Variants in SF3A3 observed in about 807,000 individuals in gnomAD.
SF3A3 encodes splicing factor 3a subunit 3.
In SF3A3, 9 loss-of-function variants were observed where a neutral mutation model predicts 85.8. That is an observed-to-expected ratio of 0.10 (90% confidence interval 0.06 to 0.18). The LOEUF is 0.18. Among genes scored for constraint, SF3A3 ranks in the 10% least tolerant of loss-of-function variants. SF3A3 has a pLI of 1.00. For synonymous variants in SF3A3, 195 were observed against 204.4 expected, an observed-to-expected ratio of 0.95 and a Z score of 0.39; for missense variants, 306 against 593.3, an observed-to-expected ratio of 0.52 and a Z score of 5.03.
rs563946298 is a variant in SF3A3, at chr1:37,979,774, T to C, written c.691-241A>G. ...CAGGAGTCTAAGGTGGGAAGATCTC[T>C]TGAGCCCACAAGGTTGAGGCTGCAG... On this transcript the variant is annotated intron_variant, in intron 8 of 16. Coordinates refer to ENST00000373019, the MANE Select transcript of SF3A3 (RefSeq NM_006802.4). Among the ~76,000 whole-genome samples the C allele has an allele frequency of 2.2e-4, 34 of 152,288 alleles. 1 individual carries two copies. Among genetic ancestry groups the C allele is most frequent in the Middle Eastern group, 6.8e-3 (2 of 294 alleles).
intron 4 of SF3A3, among the ~76,000 whole-genome samples, chr1:37,986,994 G>C (rs1646461955): frequency 6.6e-6 from 1 of 152,108 alleles, no homozygotes. Flanking sequence ...ATTCATCAGA[G>C]GAGTCTCAGA....
At chr1:37,986,790 C>A (rs1325420859) in intron 4 of SF3A3, among the ~76,000 whole-genome samples, 1 of 105,578 alleles carries the variant, frequency 9.5e-6, no homozygotes, top group Non-Finnish European at 1.7e-5. Flanking sequence ...CCAGCCTGGG[C>A]AACAGAGCGA....
chr1:37,959,754 T>C (rs561504315), intron 16 of SF3A3, among the ~76,000 whole-genome samples: 9 of 151,966 alleles, frequency 5.9e-5, no homozygotes, highest in Non-Finnish European at 2.9e-5. Flanking sequence ...GGTGAGGAGT[T>C]TGAGACCAGT....
At chr1:37,989,426 G>T in intron 2 of SF3A3, 122 bp downstream of exon 2, 1 of 1,006,968 alleles carries the variant, frequency 9.9e-7, no homozygotes, top group Non-Finnish European at 1.5e-6. Context: ...CAGGCAGAGA[G>T]CCCGCGACTG....
At chr1:37,984,608 A>C in intron 5 of SF3A3, 99 bp downstream of exon 5, 1 of 864,704 alleles carries the variant, frequency 1.2e-6, no homozygotes, top group Non-Finnish European at 1.9e-6. Flanking sequence ...CCAGCAAGAA[A>C]TCCTGGCTAT....
intron 12 of SF3A3, among the ~76,000 whole-genome samples, chr1:37,975,894 C>T (rs1183016060): frequency 7.2e-5 from 11 of 152,132 alleles, no homozygotes; most frequent in South Asian, 4.2e-4. Flanking sequence ...CGGTGGCTCA[C>T]GCCTGTAATC....
At chr1:37,987,461 G>A (rs1646464987) in intron 4 of SF3A3, 112 bp downstream of exon 4, 1 of 761,200 alleles carries the variant, frequency 1.3e-6, no homozygotes, top group Non-Finnish European at 2.2e-6. Flanking sequence ...CAGCTAAATG[G>A]CAAGTTCTTT....
Position 37,983,586 on chromosome 1 carries a change from C to CAAAAAAAAAAAAAA in SF3A3, c.468+569_468+582dup, listed in dbSNP as rs371317065. Among the ~76,000 whole-genome samples the CAAAAAAAAAAAAAA allele has an allele frequency of 6.2e-3, 240 of 38,452 alleles. 66 individuals carry two copies. The highest frequency in any genetic ancestry group is 0.033 in the African/African-American group (193 of 5,820). 25.2% of individuals were successfully genotyped at this position (38,452 alleles called of 152,430 possible). ...TGGGTGACAAAGTGAGACCCTGTCT[C>CAAAAAAAAAAAAAA]AAAAAAAAAAAAAAAAAAAAAAGAT... On this transcript the variant is annotated intron_variant, in intron 6 of 16. Coordinates refer to ENST00000373019, the MANE Select transcript of SF3A3 (RefSeq NM_006802.4).
rs1170594574 is a variant in SF3A3 at position 37,976,910 on chromosome 1, T to G, written c.979A>C (p.Ile327Leu). The G allele has an allele frequency of 2.5e-6, 4 of 1,608,578 alleles. No homozygotes were observed. In the African/African-American group the frequency reaches 5.3e-5, roughly 22 times the overall value. ...CCGAGAATCTCTACATATTCATAGA[T>G]CTGGGCTTCTAGAAAAGCAATGTCT... ...NKDIAFLEAQ[I>L]YEYVEILGEQ... Residue 327 changes from isoleucine (I) to leucine (L), a missense_variant, in exon 12 of 17, where the codon ATC becomes CTC. Transcript: ENST00000373019.
At chr1:37,979,202 G>A in intron 9 of SF3A3, 147 bp from the exon 10 acceptor site, 2 of 676,720 alleles carry the variant, frequency 3.0e-6, no homozygotes, top group South Asian at 1.8e-5. Flanking sequence ...CTCTCCAGAG[G>A]ACTGAATCTA....
At chr1:37,981,602 T>G (rs1646419345) in intron 7 of SF3A3, 127 bp downstream of exon 7, 1 of 703,892 alleles carries the variant, frequency 1.4e-6, no homozygotes, top group Non-Finnish European at 2.5e-6. Context: ...AACCCCATCC[T>G]CCAATAAACC....
At chr1:37,968,251 T>C (rs923898098) in intron 14 of SF3A3, 117 bp from the exon 15 acceptor site, 6 of 692,672 alleles carry the variant, frequency 8.7e-6, no homozygotes, top group South Asian at 3.2e-5. Context: ...CACCTAAAGG[T>C]AGCATTCCTT....
chr1:37,967,023 G>C (rs1400643948), intron 15 of SF3A3, among the ~76,000 whole-genome samples: 1 of 138,378 alleles, frequency 7.2e-6, no homozygotes, highest in Non-Finnish European at 1.5e-5. Context: ...GCCAACATGG[G>C]TGGATCACTT....
chr1:37,969,824 C>T (rs1198699408), intron 12 of SF3A3, 89 bp from the exon 13 acceptor site: 2 of 1,400,178 alleles, frequency 1.4e-6, no homozygotes, highest in Non-Finnish European at 2.0e-6. Flanking sequence ...TTTGCTGACC[C>T]CTTACTTCCA....
chr1:37,959,997 A>G (rs1176015819), intron 16 of SF3A3, 123 bp downstream of exon 16: 10 of 630,036 alleles, frequency 1.6e-5, no homozygotes, highest in Non-Finnish European at 2.8e-5. Flanking sequence ...CAATTTGTAG[A>G]TATTGTCACA....
chr1:37,971,537 G>T (rs1419450321), intron 12 of SF3A3, among the ~76,000 whole-genome samples: 2 of 152,090 alleles, frequency 1.3e-5, no homozygotes, highest in Non-Finnish European at 2.9e-5. Context: ...ACCAAAGCCT[G>T]GCAGAGACCA....
At chr1:37,981,154 T>G (rs1039774886) in intron 7 of SF3A3, among the ~76,000 whole-genome samples, 1 of 152,140 alleles carries the variant, frequency 6.6e-6, no homozygotes, top group African/African-American at 2.4e-5. Flanking sequence ...CGGCCAATAC[T>G]CATTTTTAAA....
chr1:37,964,315 A>C (rs1646283723), intron 15 of SF3A3, among the ~76,000 whole-genome samples: 1 of 152,180 alleles, frequency 6.6e-6, no homozygotes, highest in African/African-American at 2.4e-5. Flanking sequence ...GCGTTGTGGA[A>C]AGAGGAAAGA....
At chr1:37,984,367 C>A in intron 5 of SF3A3, 107 bp from the exon 6 acceptor site, 1 of 678,202 alleles carries the variant, frequency 1.5e-6, no homozygotes, top group South Asian at 1.7e-5. Context: ...AGCACTTCAC[C>A]CAAATGTCTT....
Sources: gnomAD v4.1 joint callset for allele counts (sites outside exome capture counted in the v4.1 genomes callset) on GRCh38, gnomAD v4.1.1 for gene constraint, MANE v1.5 for transcripts, NCBI Gene and HGNC (gene_info 2026-07-23, HGNC 2026-07-21) for gene names.